Variants in ABCA5 observed in about 807,000 individuals in gnomAD.
The protein encoded by ABCA5 is ATP binding cassette subfamily A member 5, also known as cholesterol transporter ABCA5.
ABCA5 carries 163 observed loss-of-function variants against 206.0 expected under a neutral mutation model. That is an observed-to-expected ratio of 0.79 (90% CI 0.70 to 0.90). The LOEUF (loss-of-function observed/expected upper bound fraction) is 0.90, where lower values mean the gene tolerates loss of function less well. Ranked by LOEUF, ABCA5 falls within the 40% of genes least tolerant of loss-of-function variation. The pLI, the probability that ABCA5 is intolerant of heterozygous loss-of-function variation, is 0.00. For missense variants in ABCA5, 1,859 were observed against 1,912.9 expected (o/e 0.97, Z 0.53); for synonymous variants, 609 against 613.8 (o/e 0.99, Z 0.11).
chr17:69,319,634 T>C (rs2145052320), intron 1 of ABCA5, among the ~76,000 whole-genome samples: 1 of 152,328 alleles, frequency 6.6e-6, no homozygotes, highest in South Asian at 2.1e-4. Flanking sequence ...ATTACATGAA[T>C]GGCAACATTT....
intron 1 of ABCA5, among the ~76,000 whole-genome samples, chr17:69,320,362 CAG>C (rs2075853490): frequency 1.3e-5 from 2 of 152,048 alleles, no homozygotes; most frequent in Admixed American, 6.6e-5. Flanking sequence ...TGCAAAAGGA[CAG>C]AGAGAAAAAA....
At chr17:69,318,531 C>T (rs2075836615) in intron 1 of ABCA5, among the ~76,000 whole-genome samples, 1 of 151,980 alleles carries the variant, frequency 6.6e-6, no homozygotes, top group Admixed American at 6.6e-5. Flanking sequence ...TTAAAGACAA[C>T]TTTTATTTTC....
At chr17:69,312,980 TG>T in intron 3 of ABCA5, 111 bp downstream of exon 3, 1 of 553,842 alleles carries the variant, frequency 1.8e-6, no homozygotes, top group Non-Finnish European at 2.8e-6. Flanking sequence ...CTGACTTTGG[TG>T]GAGGAACACA....
At chr17:69,260,535 G>A in intron 26 of ABCA5, 123 bp from the exon 27 acceptor site, 1 of 635,580 alleles carries the variant, frequency 1.6e-6, no homozygotes, top group South Asian at 2.4e-5. Flanking sequence ...GTTCATATTA[G>A]TAAGTTATGT....
intron 22 of ABCA5, among the ~76,000 whole-genome samples, chr17:69,269,071 A>G (rs1173679298): frequency 6.6e-6 from 1 of 152,242 alleles, no homozygotes; most frequent in Non-Finnish European, 1.5e-5. Flanking sequence ...ATACGACTAT[A>G]TATGAATAGT....
rs140430746 is a variant in ABCA5 at position 69,284,043 on chromosome 17, T to G, written c.2302A>C (p.Asn768His). ...ACACCATAAGAAATGACACCCAAATTTGAATGACTGTCTAGGGCAGAAAAC... is the reference window on the plus strand; with the variant it reads ...ACACCATAAGAAATGACACCCAAATGTGAATGACTGTCTAGGGCAGAAAAC... ...GLFSALDSHS[N>H]LGVISYGVSM... The change falls in exon 18 of 39, where the codon AAT becomes CAT. Residue 768 changes from asparagine (N) to histidine (H), a missense_variant. By Grantham distance (68) the Asn-to-His change is moderately conservative. Transcript: ENST00000392676. 2 of 1,605,428 alleles carry G rather than the reference T, an allele frequency of 1.2e-6. No individual in the cohort carries two copies. The highest frequency in any genetic ancestry group is 1.3e-5 in the African/African-American group (1 of 74,524).
At chr17:69,322,394 G>C (rs1327990022) in intron 1 of ABCA5, among the ~76,000 whole-genome samples, 1 of 128,174 alleles carries the variant, frequency 7.8e-6, no homozygotes. Flanking sequence ...AAAAGTGCTG[G>C]TTACTACGTT....
chr17:69,250,087 T>G, intron 36 of ABCA5, 103 bp from the exon 37 acceptor site: 1 of 759,204 alleles, frequency 1.3e-6, no homozygotes, highest in East Asian at 3.1e-5. Flanking sequence ...ATTCAATAAC[T>G]TATTTTGGTA....
At chr17:69,288,657 C>T (rs376453336) in intron 14 of ABCA5, among the ~76,000 whole-genome samples, 2 of 150,794 alleles carry the variant, frequency 1.3e-5, no homozygotes, top group African/African-American at 4.9e-5. Flanking sequence ...TCGCTTGAGG[C>T]CAGTTCAAGA....
chr17:69,249,204 G>A (rs1297133934), intron 37 of ABCA5: 1 of 152,126 alleles, frequency 6.6e-6, no homozygotes, highest in Non-Finnish European at 1.5e-5. Context: ...TAAAAATCCT[G>A]TAGTTATTTT....
At chr17:69,291,777 G>A (rs1017908141) in intron 11 of ABCA5, among the ~76,000 whole-genome samples, 2 of 152,132 alleles carry the variant, frequency 1.3e-5, no homozygotes, top group African/African-American at 4.8e-5. Context: ...AAGGAAGACA[G>A]GAGATGGGGA....
intron 18 of ABCA5, 48 bp downstream of exon 18, chr17:69,283,905 C>T: frequency 3.9e-6 from 6 of 1,550,026 alleles, no homozygotes; most frequent in South Asian, 2.5e-5. Flanking sequence ...TCTTATTCAC[C>T]ATCTGTCTGA....
intron 17 of ABCA5, among the ~76,000 whole-genome samples, chr17:69,284,498 T>A (rs957622075): frequency 2.0e-5 from 3 of 152,080 alleles, no homozygotes; most frequent in African/African-American, 7.2e-5. Context: ...TGTTACTATA[T>A]TGAATAATAA....
chr17:69,297,511 A>G, intron 9 of ABCA5, 152 bp from the exon 10 acceptor site: 1 of 619,992 alleles, frequency 1.6e-6, no homozygotes, highest in Non-Finnish European at 2.7e-6. Flanking sequence ...CACAATAAAT[A>G]TATACAATTT....
At position 69,253,651 on chromosome 17, in the gene ABCA5, C is replaced by G; in HGVS notation, c.4337G>C (p.Ser1446Thr). 2.5e-6 allele frequency: 4 copies of G among 1,613,562 alleles called. No homozygotes were observed. The highest frequency in any genetic ancestry group is 2.5e-6 in the Non-Finnish European group (3 of 1,179,768). Residue 1446 changes from serine (S) to threonine (T), a missense_variant, in exon 34 of 39, where the codon AGT (serine) becomes ACT (threonine). Physicochemically the swap from Ser to Thr is moderately conservative, Grantham distance 58. Coordinates refer to ENST00000392676, the MANE Select transcript of ABCA5 (RefSeq NM_172232.4). ...GIKRKLCFAL[S>T]MLGNPQITLL... ...AGTAATCTGAGGATTCCCTAGCATA[C>G]TTAGAGCAAAACACAACTACATGGA...
In ABCA5 at chr17:69,244,524, T is replaced by G. The variant is rs2074929485; in HGVS notation, c.*3013A>C. 2.0e-5 allele frequency: 3 copies of G among 151,726 alleles called. No homozygotes were observed. The South Asian group carries it at 6.2e-4, about 31-fold the overall frequency. The allele number at this position is 151,726 out of a possible 1,614,324, so 9.4% of individuals were successfully genotyped here. On this transcript the variant is annotated 3_prime_UTR_variant, in exon 39 of 39. Coordinates refer to ENST00000392676, the MANE Select transcript of ABCA5 (RefSeq NM_172232.4). ...ATTATAAATAAAAAATAATTAAACTTTTACCTGATAAGAATAGCTGATATA... is the reference window on the plus strand; with the variant it reads ...ATTATAAATAAAAAATAATTAAACTGTTACCTGATAAGAATAGCTGATATA...
At chr17:69,319,698 C>T (rs2075847112) in intron 1 of ABCA5, among the ~76,000 whole-genome samples, 1 of 152,200 alleles carries the variant, frequency 6.6e-6, no homozygotes, top group African/African-American at 2.4e-5. Context: ...TGTACCACAC[C>T]TACTGTGCTC....
chr17:69,267,476 T>C (rs1316732878), intron 23 of ABCA5, among the ~76,000 whole-genome samples: 8 of 152,208 alleles, frequency 5.3e-5, no homozygotes, highest in Admixed American at 4.6e-4. Flanking sequence ...GCCCTAATGA[T>C]GACAATCACT....
In ABCA5 at chr17:69,274,144, A is replaced by C. The variant is rs780861823; in HGVS notation, c.2595-16T>G. ...CAGAAGCAACCTGAAAAGAAAAAAA[A>C]AACAACACAGCTCAGGGTACAAAGG... On this transcript the variant is annotated splice_polypyrimidine_tract_variant and intron_variant, in intron 19 of 38. Coordinates refer to ENST00000392676, the MANE Select transcript of ABCA5 (RefSeq NM_172232.4). 50 of 1,561,378 alleles carry C rather than the reference A, an allele frequency of 3.2e-5. No individual in the cohort carries two copies. The Middle Eastern group carries it at 1.8e-3, about 55-fold the overall frequency.
Sources: allele counts gnomAD v4.1 joint callset (sites outside exome capture counted in the v4.1 genomes callset), GRCh38; gene constraint gnomAD v4.1.1; transcripts MANE v1.5; gene names NCBI Gene and HGNC (gene_info 2026-07-23, HGNC 2026-07-21).